The following CDK14 variants were observed in gnomAD, a reference collection of about 807,000 sequenced individuals.
The protein encoded by CDK14 is cyclin dependent kinase 14, also known as cyclin-dependent kinase 14.
CDK14 carries 34 observed loss-of-function variants against 60.7 expected under a neutral mutation model. The ratio of observed to expected loss-of-function variants is 0.56; its 90% CI spans 0.43 to 0.75. CDK14 has a LOEUF of 0.75. CDK14 is among the 30% of genes least tolerant of loss of function. The probability of loss-of-function intolerance (pLI) is 0.00; values close to 1 mark genes in which losing one functional copy is unlikely to be tolerated. For missense variants in CDK14, 482 were observed against 564.1 expected, an observed-to-expected ratio of 0.85 and a Z score of 1.47; for synonymous variants, 197 against 203.7, an observed-to-expected ratio of 0.97 and a Z score of 0.28.
At chr7:90,995,038 C>T (rs922924226) in intron 10 of CDK14, among the ~76,000 whole-genome samples, 2 of 152,154 alleles carry the variant, frequency 1.3e-5, no homozygotes, top group Non-Finnish European at 2.9e-5. Context: ...GTGTGCCCAC[C>T]GCCTGGCGTT....
At chr7:91,010,292 CA>C (rs534378022) in intron 10 of CDK14, among the ~76,000 whole-genome samples, 4 of 149,858 alleles carry the variant, frequency 2.7e-5, no homozygotes, top group African/African-American at 9.8e-5. Context: ...TCAGTTACTA[CA>C]AAAAAAAAGC....
intron 2 of CDK14, among the ~76,000 whole-genome samples, chr7:90,658,935 G>T (rs945061284): frequency 6.6e-6 from 1 of 152,136 alleles, no homozygotes. Context: ...TTTCTGTCTA[G>T]TAGTGAATTA....
chr7:90,742,807 G>A lies in CDK14; in HGVS notation c.370-4874G>A, dbSNP rs534676180. Among the ~76,000 whole-genome samples the A allele has an allele frequency of 1.8e-4, 27 of 151,606 alleles. No individual in the cohort carries two copies. The South Asian group carries it at 2.3e-3, about 13-fold the overall frequency. ...TAAACCCATGTTATTAAACTATTCAGCTTTAATTTTTTTATTAAAAAAAAC... is the reference window on the plus strand; with the variant it reads ...TAAACCCATGTTATTAAACTATTCAACTTTAATTTTTTTATTAAAAAAAAC... On this transcript the variant is annotated intron_variant, in intron 3 of 14. Coordinates refer to ENST00000380050, the MANE Select transcript of CDK14 (RefSeq NM_001287135.2).
intron 2 of CDK14, among the ~76,000 whole-genome samples, chr7:90,644,177 C>T (rs192381436): frequency 5.0e-4 from 76 of 152,336 alleles, no homozygotes; most frequent in African/African-American, 1.8e-3. Context: ...CCAAACCCTG[C>T]TGGACCTTGA....
At chr7:90,941,052 T>G (rs1793917339) in intron 8 of CDK14, among the ~76,000 whole-genome samples, 1 of 152,166 alleles carries the variant, frequency 6.6e-6, no homozygotes, top group African/African-American at 2.4e-5. Context: ...CACTTTCATG[T>G]GATGGTTATG....
At chr7:90,635,018 A>C (rs1264012151) in intron 2 of CDK14, among the ~76,000 whole-genome samples, 1 of 152,128 alleles carries the variant, frequency 6.6e-6, no homozygotes, top group African/African-American at 2.4e-5. Context: ...AGTTCATTGT[A>C]GATTCTGGAT....
At chr7:91,154,222 C>T (rs1800909784) in intron 14 of CDK14, among the ~76,000 whole-genome samples, 1 of 150,872 alleles carries the variant, frequency 6.6e-6, no homozygotes, top group African/African-American at 2.4e-5. Context: ...TTATAATCTC[C>T]TTTTTTTTCT....
At chr7:90,840,763 A>G (rs537408086) in intron 5 of CDK14, among the ~76,000 whole-genome samples, 15 of 152,302 alleles carry the variant, frequency 9.8e-5, no homozygotes, top group African/African-American at 3.6e-4. Context: ...CACAATCAGT[A>G]TGTTTTACCT....
chr7:90,636,561 T>C (rs1028559122), intron 2 of CDK14, among the ~76,000 whole-genome samples: 11 of 151,894 alleles, frequency 7.2e-5, no homozygotes, highest in Non-Finnish European at 1.3e-4. Context: ...GATTTTTGCA[T>C]CAATGTTCAT....
chr7:90,627,189 T>A (rs1196193139), intron 2 of CDK14, among the ~76,000 whole-genome samples: 1 of 152,072 alleles, frequency 6.6e-6, no homozygotes, highest in African/African-American at 2.4e-5. Context: ...TAGCCACATG[T>A]GGCTAGTGGC....
rs1252818146 is a variant in CDK14, at chr7:90,747,747, T to G, written c.436T>G (p.Tyr146Asp). Residue 146 changes from tyrosine to aspartate, a missense_variant, in exon 4 of 15, where the codon TAT becomes GAT. Tyr to Asp is a radical substitution (Grantham distance 160, BLOSUM62 -3). Transcript: ENST00000380050. ...GCTGGAAAAACTAGGGGAAGGATCT[T>G]ATGCTACAGTATACAAAGGGAAAAG... ...EKLEKLGEGS[Y>D]ATVYKGKSKV... is the part of the protein sequence containing the mutation. 1 of 1,593,604 alleles carries G rather than the reference T, an allele frequency of 6.3e-7. No homozygotes were observed. The highest frequency in any genetic ancestry group is 8.5e-7 in the Non-Finnish European group (1 of 1,173,096).
chr7:91,071,751 C>G (rs1301583201), intron 11 of CDK14, among the ~76,000 whole-genome samples: 2 of 152,166 alleles, frequency 1.3e-5, no homozygotes, highest in Non-Finnish European at 1.5e-5. Context: ...TGCTAGCTGC[C>G]TAACACACTA....
intron 5 of CDK14, among the ~76,000 whole-genome samples, chr7:90,838,504 T>G (rs1358246829): frequency 1.3e-5 from 2 of 152,174 alleles, no homozygotes; most frequent in Non-Finnish European, 2.9e-5. Flanking sequence ...GCCATATTTT[T>G]CTTCTTGCAG....
chr7:90,779,071 G>GTGAA (rs1805187835), intron 4 of CDK14, among the ~76,000 whole-genome samples: 1 of 151,978 alleles, frequency 6.6e-6, no homozygotes, highest in South Asian at 2.1e-4. Flanking sequence ...GGCCAACATG[G>GTGAA]TGAAACCCCG....
chr7:90,663,092 G>A (rs59589142), intron 2 of CDK14, among the ~76,000 whole-genome samples: 1,288 of 98,706 alleles, frequency 0.013, 21 homozygotes, highest in African/African-American at 0.045. Context: ...GAACTAAGAT[G>A]GGAACACACA....
intron 10 of CDK14, among the ~76,000 whole-genome samples, chr7:91,043,532 T>C (rs966739953): frequency 1.3e-5 from 2 of 152,226 alleles, no homozygotes; most frequent in Non-Finnish European, 2.9e-5. Context: ...GAAATAATGG[T>C]TGGAATTATT....
rs1304178944 is a variant in CDK14, at chr7:90,612,022, G to A, written c.123+7773G>A. On this transcript the variant is annotated intron_variant, in intron 2 of 14. Transcript: ENST00000380050. The stretch of plus-strand genomic sequence containing the variant: ...TAATTTTTGTATTTTTAGTAGAGAC[G>A]GGGTTTCACCAGGTTGGCTAGGTTG... Among the ~76,000 whole-genome samples, 7 of 151,916 alleles carry A rather than the reference G, an allele frequency of 4.6e-5. No homozygotes were observed. In the East Asian group the frequency reaches 9.7e-4, roughly 21 times the overall value.
intron 14 of CDK14, among the ~76,000 whole-genome samples, chr7:91,164,035 GT>G (rs66600623): frequency 0.82 from 124,749 of 152,070 alleles, 51,719 homozygotes; most frequent in African/African-American, 0.89. Flanking sequence ...GAAATTATGA[GT>G]TGGATTTAAA....
At chr7:90,791,483 T>A (rs1321372135) in intron 5 of CDK14, among the ~76,000 whole-genome samples, 1 of 152,204 alleles carries the variant, frequency 6.6e-6, no homozygotes, top group Non-Finnish European at 1.5e-5. Context: ...AAATTGGTGG[T>A]TTGCTGCAAT....
Sources: gnomAD v4.1 joint callset for allele counts (sites outside exome capture counted in the v4.1 genomes callset) on GRCh38, gnomAD v4.1.1 for gene constraint, MANE v1.5 for transcripts, NCBI Gene and HGNC (gene_info 2026-07-23, HGNC 2026-07-21) for gene names.